RSPO1: variants seen among roughly 807,000 people sequenced by gnomAD.
RSPO1 encodes R-spondin 1.
Under a neutral mutation model 26.0 loss-of-function variants are expected in RSPO1, and 18 were observed. The observed-to-expected ratio is 0.69, with a 90% CI of 0.48 to 1.03. The LOEUF is 1.03. Among genes scored for constraint, RSPO1 ranks in the 50% least tolerant of loss-of-function variants. The pLI is 0.00. For missense variants in RSPO1, 309 were observed against 352.3 expected, an observed-to-expected ratio of 0.88 and a Z score of 0.98; for synonymous variants, 133 against 137.4, an observed-to-expected ratio of 0.97 and a Z score of 0.22.
intron 1 of RSPO1, 94 bp from the exon 2 acceptor site, chr1:37,632,447 T>G (rs1371024322): frequency 6.6e-6 from 1 of 152,216 alleles, no homozygotes; most frequent in Non-Finnish European, 1.5e-5. Flanking sequence ...TTGCAAGCAC[T>G]TTTTGAAAAT....
chr1:37,618,468 T>G (rs1413965422), intron 3 of RSPO1, among the ~76,000 whole-genome samples: 1 of 152,184 alleles, frequency 6.6e-6, no homozygotes, highest in Non-Finnish European at 1.5e-5. Flanking sequence ...TAAGCAGGGA[T>G]GAGACCTGGC....
At chr1:37,627,878 A>G (rs1383790641) in intron 3 of RSPO1, among the ~76,000 whole-genome samples, 1 of 152,120 alleles carries the variant, frequency 6.6e-6, no homozygotes, top group African/African-American at 2.4e-5. Flanking sequence ...TCTTACCATC[A>G]AGGATGTCTG....
intron 3 of RSPO1, among the ~76,000 whole-genome samples, chr1:37,617,006 A>G (rs1644124186): frequency 6.6e-6 from 1 of 152,242 alleles, no homozygotes; most frequent in African/African-American, 2.4e-5. Context: ...TCCCCAGAGC[A>G]CAAAACAGTC....
rs1040288639 is a variant in RSPO1, at chr1:37,634,050, C to A, written c.-356+516G>T. On this transcript the variant is annotated intron_variant, in intron 1 of 6. Transcript: ENST00000356545. This position sits in a 1 kb window ranked among gnomAD's most constrained non-coding sequence, Gnocchi z 4.7. ...CCTCTCCCCAACTAAGCGATACCAT[C>A]GGTTCCTGAGCGCCAGACCCCGAGG... Among the ~76,000 whole-genome samples, 32 of 152,168 alleles carry A rather than the reference C, an allele frequency of 2.1e-4. 1 individual carries two copies. The highest frequency in any genetic ancestry group is 4.4e-5 in the Non-Finnish European group (3 of 68,026).
At chr1:37,618,939 C>T (rs1330912585) in intron 3 of RSPO1, among the ~76,000 whole-genome samples, 7 of 152,080 alleles carry the variant, frequency 4.6e-5, no homozygotes, top group African/African-American at 1.4e-4. Flanking sequence ...AGCCAGGCAG[C>T]GGCCGGGTGC....
In RSPO1 at chr1:37,613,135, A is replaced by T. The variant is rs929495514; in HGVS notation, c.626-214T>A. On this transcript the variant is annotated intron_variant, in intron 6 of 6. Coordinates refer to ENST00000356545, the MANE Select transcript of RSPO1 (RefSeq NM_001242908.2). This position sits in a 1 kb window ranked among gnomAD's most constrained non-coding sequence, Gnocchi z 4.5. ...GGCTTGAGTACTGGGAGGCAGCCCAAGAGCCCTTTCACTCCCCAACCCTCA... is the reference window on the plus strand; with the variant it reads ...GGCTTGAGTACTGGGAGGCAGCCCATGAGCCCTTTCACTCCCCAACCCTCA... Among the ~76,000 whole-genome samples the T allele has an allele frequency of 2.6e-4, 39 of 152,324 alleles. No homozygotes were observed. The highest frequency in any genetic ancestry group is 8.9e-4 in the African/African-American group (37 of 41,582).
intron 3 of RSPO1, among the ~76,000 whole-genome samples, chr1:37,621,037 G>A (rs991867193): frequency 3.9e-5 from 6 of 152,114 alleles, no homozygotes; most frequent in Non-Finnish European, 5.9e-5. Context: ...TGCAAAAGGC[G>A]CCCTTTCAGA....
intron 4 of RSPO1, among the ~76,000 whole-genome samples, chr1:37,614,835 C>T (rs1265957822): frequency 1.3e-5 from 2 of 152,228 alleles, no homozygotes. Context: ...GGTTCTCCTC[C>T]TGCCTGGCAG....
Position 37,627,269 on chromosome 1 carries a change from C to G in RSPO1, c.94+2299G>C, listed in dbSNP as rs150606640. Among the ~76,000 whole-genome samples, 982 of 152,236 alleles carry G rather than the reference C, an allele frequency of 6.5e-3. 11 individuals are homozygous for G. Among genetic ancestry groups the G allele is most frequent in the African/African-American group, 0.022 (930 of 41,534 alleles). ...TTATCGAGAGGCCAGGCACACACAG[C>G]TGTCTTGGTCTTCCTTCTTCCCTTC... On this transcript the variant is annotated intron_variant, in intron 3 of 6. Coordinates refer to ENST00000356545, the MANE Select transcript of RSPO1 (RefSeq NM_001242908.2).
At chr1:37,625,464 T>C (rs1448342029) in intron 3 of RSPO1, among the ~76,000 whole-genome samples, 3 of 151,966 alleles carry the variant, frequency 2.0e-5, no homozygotes, top group Non-Finnish European at 4.4e-5. Flanking sequence ...TGGAATCTAG[T>C]CTTGGAGGAA....
chr1:37,627,581 C>T (rs910167197), intron 3 of RSPO1, among the ~76,000 whole-genome samples: 3 of 151,956 alleles, frequency 2.0e-5, no homozygotes, highest in Non-Finnish European at 4.4e-5. Context: ...ACCCGGGAGG[C>T]GGAGGTTGCA....
chr1:37,616,149 C>T (rs1644108048), intron 4 of RSPO1, among the ~76,000 whole-genome samples: 1 of 152,012 alleles, frequency 6.6e-6, no homozygotes, highest in Admixed American at 6.6e-5. Flanking sequence ...AGGACAGTGG[C>T]AGTGTGGACA....
chr1:37,620,176 G>A (rs1219055532), intron 3 of RSPO1, among the ~76,000 whole-genome samples: 1 of 152,206 alleles, frequency 6.6e-6, no homozygotes, highest in Non-Finnish European at 1.5e-5. Context: ...ATATGAGGTG[G>A]CATGGAAACT....
At chr1:37,626,484 G>C (rs908066208) in intron 3 of RSPO1, among the ~76,000 whole-genome samples, 1 of 152,138 alleles carries the variant, frequency 6.6e-6, no homozygotes, top group Non-Finnish European at 1.5e-5. Context: ...TCTCCTGTGC[G>C]GCATTCCCGA....
intron 3 of RSPO1, among the ~76,000 whole-genome samples, chr1:37,627,605 G>A (rs61776211): frequency 0.22 from 33,262 of 151,828 alleles, 3,993 homozygotes; most frequent in Middle Eastern, 0.3. Flanking sequence ...AGCCAAGATC[G>A]TGACACAGCA....
intron 3 of RSPO1, among the ~76,000 whole-genome samples, chr1:37,618,944 G>A (rs936193885): frequency 5.9e-5 from 9 of 152,150 alleles, no homozygotes; most frequent in African/African-American, 1.7e-4. Flanking sequence ...GGCAGCGGCC[G>A]GGTGCAGTAG....
intron 2 of RSPO1, among the ~76,000 whole-genome samples, chr1:37,631,161 G>A (rs1228129698): frequency 6.6e-6 from 1 of 152,092 alleles, no homozygotes; most frequent in South Asian, 2.1e-4. Flanking sequence ...CCCCAGCAGA[G>A]CCCACCTGCA....
intron 3 of RSPO1, among the ~76,000 whole-genome samples, chr1:37,621,660 C>T (rs181967612): frequency 7.9e-5 from 12 of 152,056 alleles, no homozygotes; most frequent in East Asian, 1.9e-4. Context: ...GTTGAGTTTG[C>T]GGTTCCTGTG....
At chr1:37,619,548 C>T (rs1255872033) in intron 3 of RSPO1, among the ~76,000 whole-genome samples, 8 of 152,116 alleles carry the variant, frequency 5.3e-5, no homozygotes, top group African/African-American at 1.2e-4. Context: ...AGGAGAGCAA[C>T]CGAAGGAAGG....
Sources: allele counts gnomAD v4.1 joint callset (sites outside exome capture counted in the v4.1 genomes callset), GRCh38; gene constraint gnomAD v4.1.1; non-coding constraint Gnocchi (gnomAD v3.1); transcripts MANE v1.5; gene names NCBI Gene and HGNC (gene_info 2026-07-23, HGNC 2026-07-21).